RHOBTB1: variants seen among roughly 807,000 people sequenced by gnomAD.
The protein encoded by RHOBTB1 is rho-related BTB domain-containing protein 1.
In RHOBTB1, 40 loss-of-function variants were observed where a neutral mutation model predicts 71.6. That is an observed-to-expected ratio of 0.56 (90% confidence interval 0.43 to 0.73). The LOEUF (loss-of-function observed/expected upper bound fraction) is 0.73. RHOBTB1 is among the 30% of genes least tolerant of loss of function. The pLI is 0.00. For missense variants in RHOBTB1, 797 were observed against 894.0 expected (o/e 0.89, Z 1.38); for synonymous variants, 319 against 334.9 (o/e 0.95, Z 0.52).
At chr10:60,930,514 G>A (rs1478448691) in intron 2 of RHOBTB1, among the ~76,000 whole-genome samples, 2 of 152,198 alleles carry the variant, frequency 1.3e-5, no homozygotes, top group Non-Finnish European at 1.5e-5. Flanking sequence ...TGAAACAACA[G>A]TAAATAAGTA....
At chr10:60,890,497 A>C (rs1364831794) in intron 5 of RHOBTB1, among the ~76,000 whole-genome samples, 1 of 152,160 alleles carries the variant, frequency 6.6e-6, no homozygotes, top group Non-Finnish European at 1.5e-5. Context: ...CTTTGGAAAC[A>C]GTAGATGCAG....
chr10:60,961,876 T>G (rs2085793575), intron 2 of RHOBTB1, among the ~76,000 whole-genome samples: 1 of 151,682 alleles, frequency 6.6e-6, no homozygotes, highest in African/African-American at 2.4e-5. Flanking sequence ...TGGGATGATC[T>G]TGGCTCACTG....
chr10:60,986,430 T>A (rs902434270), intron 1 of RHOBTB1, among the ~76,000 whole-genome samples: 70 of 136,888 alleles, frequency 5.1e-4, no homozygotes, highest in Non-Finnish European at 6.7e-4. Flanking sequence ...TATATATATA[T>A]AAAATATATA....
chr10:60,867,414 C>T (rs2080639521), downstream of RHOBTB1, among the ~76,000 whole-genome samples: 1 of 152,170 alleles, frequency 6.6e-6, no homozygotes, highest in Non-Finnish European at 1.5e-5. Context: ...AACTTAAATA[C>T]TCCTTCGAAG....
At chr10:60,911,080 A>T (rs2082943156) in intron 3 of RHOBTB1, 90 bp from the exon 4 acceptor site, 2 of 985,434 alleles carry the variant, frequency 2.0e-6, no homozygotes, top group South Asian at 2.7e-5. Flanking sequence ...CAGTGCCATC[A>T]ATTCACTTGC....
At chr10:60,891,345 T>C (rs1296484937) in intron 5 of RHOBTB1, among the ~76,000 whole-genome samples, 10 of 135,558 alleles carry the variant, frequency 7.4e-5, no homozygotes, top group African/African-American at 2.3e-4. Context: ...TTTTTTTTTT[T>C]TTTTTTTTTT....
rs1324585898 is a variant in RHOBTB1, at chr10:60,875,040, G to T, written c.1729C>A (p.Gln577Lys). Residue 577 changes from glutamine (Q) to lysine (K), a missense_variant and splice_region_variant, in exon 9 of 11, where the codon CAG becomes AAG. Gln to Lys is a moderately conservative substitution (Grantham distance 53). This residue lies in a region of RHOBTB1 where 658 missense variants were observed against 681.5 expected (regional missense o/e 0.97). Transcript: ENST00000337910. ...CLPHLVALAEQHAVQELTKAA... is the reference protein window; with the variant it reads ...CLPHLVALAEKHAVQELTKAA... ...TTGGTCAACTCCTGAACGGCATGCTGTTCTGGGGAAGAGAGAGGGGGCAGG... is the reference window on the plus strand; with the variant it reads ...TTGGTCAACTCCTGAACGGCATGCTTTTCTGGGGAAGAGAGAGGGGGCAGG... 1 of 1,613,616 alleles carries T rather than the reference G, an allele frequency of 6.2e-7. No homozygotes were observed. The highest frequency in any genetic ancestry group is 8.5e-7 in the Non-Finnish European group (1 of 1,179,522).
intron 4 of RHOBTB1, among the ~76,000 whole-genome samples, chr10:60,898,003 C>T (rs534384318): frequency 2.4e-4 from 37 of 152,182 alleles, no homozygotes; most frequent in Admixed American, 6.5e-4. Context: ...CGCGCCTGGC[C>T]GCTAATAATT....
downstream of RHOBTB1, among the ~76,000 whole-genome samples, chr10:60,865,595 C>G (rs147316228): frequency 6.6e-6 from 1 of 152,202 alleles, no homozygotes. Context: ...TAACAACTTT[C>G]ACAATCAGGG....
chr10:60,930,275 T>G (rs1350174763), intron 2 of RHOBTB1, among the ~76,000 whole-genome samples: 1 of 152,224 alleles, frequency 6.6e-6, no homozygotes, highest in Non-Finnish European at 1.5e-5. Flanking sequence ...TATATTCTTA[T>G]CTGTGAACTG....
intron 7 of RHOBTB1, among the ~76,000 whole-genome samples, chr10:60,884,874 A>G (rs1288131257): frequency 3.3e-5 from 5 of 152,112 alleles, no homozygotes; most frequent in Non-Finnish European, 7.4e-5. Context: ...TCAAATATAC[A>G]AAGTTTCACT....
chr10:60,979,903 A>T (rs2086436486), intron 2 of RHOBTB1, among the ~76,000 whole-genome samples: 1 of 152,158 alleles, frequency 6.6e-6, no homozygotes, highest in Non-Finnish European at 1.5e-5. Flanking sequence ...CAGACAGACT[A>T]AACAGCAAGT....
chr10:60,864,198 G>A, the RHOBTB1 span, among the ~76,000 whole-genome samples: 2 of 152,124 alleles, frequency 1.3e-5, no homozygotes, highest in African/African-American at 4.8e-5. Context: ...CCACTTGCTT[G>A]GGAATCTTCA....
chr10:60,871,717 T>C, intron 10 of RHOBTB1, 66 bp from the exon 11 acceptor site: 1 of 1,464,788 alleles, frequency 6.8e-7, no homozygotes, highest in Non-Finnish European at 9.4e-7. Flanking sequence ...TGCTAGGCCT[T>C]GAGCTTAAAG....
At chr10:60,931,149 A>G (rs1233719839) in intron 2 of RHOBTB1, among the ~76,000 whole-genome samples, 1 of 152,142 alleles carries the variant, frequency 6.6e-6, no homozygotes, top group African/African-American at 2.4e-5. Flanking sequence ...AATTTTCTAC[A>G]ATGCACGTCT....
At chr10:60,949,493 T>C (rs2085340739) in intron 2 of RHOBTB1, among the ~76,000 whole-genome samples, 1 of 152,168 alleles carries the variant, frequency 6.6e-6, no homozygotes, top group Non-Finnish European at 1.5e-5. Flanking sequence ...ACTCTTCAGA[T>C]CTCTAAAGCT....
intron 1 of RHOBTB1, among the ~76,000 whole-genome samples, chr10:60,999,411 C>T (rs2087177351): frequency 6.6e-6 from 1 of 152,114 alleles, no homozygotes; most frequent in Non-Finnish European, 1.5e-5. Flanking sequence ...TTAAAAGTAG[C>T]GTATAAGAAA....
chr10:60,894,364 T>C (rs989505981), intron 4 of RHOBTB1, among the ~76,000 whole-genome samples: 3 of 152,218 alleles, frequency 2.0e-5, no homozygotes, highest in African/African-American at 7.2e-5. Context: ...TAGATGAATG[T>C]ATTAATCTGA....
chr10:60,889,754 T>A (rs1258131098), intron 5 of RHOBTB1, among the ~76,000 whole-genome samples: 2 of 152,224 alleles, frequency 1.3e-5, no homozygotes, highest in African/African-American at 4.8e-5. Flanking sequence ...AACATTAGTT[T>A]TTCCATCTGT....
Sources: gnomAD v4.1 joint callset for allele counts (sites outside exome capture counted in the v4.1 genomes callset) on GRCh38, gnomAD v4.1.1 for gene constraint, gnomAD v4.1.1 regional missense constraint, MANE v1.5 for transcripts, NCBI Gene and HGNC (gene_info 2026-07-23, HGNC 2026-07-21) for gene names.